Variants in MARK4 observed in about 807,000 individuals in gnomAD.
MARK4 encodes the protein MAP/microtubule affinity-regulating kinase 4.
In MARK4, 19 loss-of-function variants were observed where a neutral mutation model predicts 81.5. The observed-to-expected ratio is 0.23, with a 90% CI of 0.16 to 0.34. The LOEUF (loss-of-function observed/expected upper bound fraction) is 0.34, where lower values mean the gene tolerates loss of function less well. Among genes scored for constraint, MARK4 ranks in the 10% least tolerant of loss-of-function variants. The pLI is 1.00. For synonymous variants in MARK4, 436 were observed against 439.0 expected, an observed-to-expected ratio of 0.99 and a Z score of 0.08; for missense variants, 772 against 1,058.8, an observed-to-expected ratio of 0.73 and a Z score of 3.76.
rs11309011 is a variant in MARK4, at chr19:45,301,865, C to CA, written c.1923-492dup. On this transcript the variant is annotated intron_variant, in intron 16 of 16. Transcript: ENST00000262891. ...GGGTAACAAGAGCAAAACTCCGTCT[C>CA]AAAAAAAAAAAAAAAAAGAAAAGGA... Among the ~76,000 whole-genome samples the CA allele has an allele frequency of 5.8e-3, 720 of 124,098 alleles. 4 individuals are homozygous for CA. Among genetic ancestry groups the CA allele is most frequent in the African/African-American group, 9.2e-3 (318 of 34,446 alleles). The allele number at this position is 124,098 out of a possible 152,430, so 81.4% of individuals were successfully genotyped here.
At chr19:45,280,857 G>A in intron 12 of MARK4, 123 bp downstream of exon 12, 1 of 1,364,418 alleles carries the variant, frequency 7.3e-7, no homozygotes, top group Non-Finnish European at 1.0e-6. Context: ...CAGAGAGGGA[G>A]GAATGTCTTA....
chr19:45,298,084 C>T, intron 15 of MARK4, 130 bp downstream of exon 15: 2 of 1,573,472 alleles, frequency 1.3e-6, no homozygotes, highest in South Asian at 1.1e-5. Context: ...CTCGTTTCCT[C>T]CTCCTCCTCC....
At chr19:45,277,088 T>C (rs1970607575) in intron 8 of MARK4, among the ~76,000 whole-genome samples, 1 of 151,746 alleles carries the variant, frequency 6.6e-6, no homozygotes, top group African/African-American at 2.4e-5. Context: ...ACTTCCTTTT[T>C]TTTCTGAGAC....
chr19:45,295,546 G>A (rs985618238), intron 14 of MARK4, among the ~76,000 whole-genome samples: 6 of 152,040 alleles, frequency 3.9e-5, no homozygotes, highest in Non-Finnish European at 7.4e-5. Flanking sequence ...AGGCCGAGGT[G>A]GGCAGATCAC....
rs190127005 is a variant in MARK4 at position 45,278,365 on chromosome 19, G to C, written c.907-151G>C. 4.0e-3 allele frequency: 2,906 copies of C among 735,468 alleles called. 11 individuals are homozygous for C. Among genetic ancestry groups the C allele is most frequent in the Non-Finnish European group, 5.8e-3 (2,466 of 428,176 alleles). The allele number at this position is 735,468 out of a possible 1,614,324, so 45.6% of individuals were successfully genotyped here. The stretch of plus-strand genomic sequence containing the variant: ...ATCAGGAGGCTCCGGCAGGGGACGT[G>C]GGGGAGAGAGAGGCCCAGGAGGCGC... On this transcript the variant is annotated intron_variant, in intron 9 of 16. Transcript: ENST00000262891.
chr19:45,284,076 G>A (rs2123079462), intron 12 of MARK4, among the ~76,000 whole-genome samples: 1 of 151,804 alleles, frequency 6.6e-6, no homozygotes, highest in South Asian at 2.1e-4. Flanking sequence ...GGAGTACAGT[G>A]GTGCGATGGT....
intron 12 of MARK4, 138 bp downstream of exon 12, chr19:45,280,872 G>C: frequency 7.9e-7 from 1 of 1,258,386 alleles, no homozygotes; most frequent in Non-Finnish European, 1.1e-6. Context: ...GTCTTATAAA[G>C]ACACAGGGCA....
intron 8 of MARK4, among the ~76,000 whole-genome samples, chr19:45,275,268 TAA>T (rs763273853): frequency 2.0e-5 from 3 of 151,140 alleles, no homozygotes; most frequent in Admixed American, 6.6e-5. Flanking sequence ...CTCAAAAAAA[TAA>T]AAAGAGTTTG....
chr19:45,297,981 A>G, intron 15 of MARK4, 27 bp downstream of exon 15: 1 of 791,968 alleles, frequency 1.3e-6, no homozygotes, highest in Non-Finnish European at 1.9e-6. Context: ...TGGCAGGGGC[A>G]GGGCGGGGCG....
intron 15 of MARK4, 166 bp downstream of exon 15, chr19:45,298,120 T>A: frequency 6.2e-7 from 1 of 1,609,200 alleles, no homozygotes; most frequent in Non-Finnish European, 8.5e-7. Context: ...CTGTCACCCC[T>A]CACCTCCCTC....
chr19:45,287,492 G>A lies in MARK4; in HGVS notation c.1322G>A (p.Ser441Asn). Reference protein sequence around the residue: ...APLHPKRSPTSTGEAELKEER... With the variant: ...APLHPKRSPTNTGEAELKEER... ...CTGCACCCCAAACGCAGCCCGACGA[G>A]CACGGGGGAGGCGGAGCTGAAGGAG... The change falls in exon 13 of 17, where the codon AGC becomes AAC. Residue 441 changes from serine (S) to asparagine (N), a missense_variant. Transcript: ENST00000262891. 1 of 1,516,988 alleles carries A rather than the reference G, an allele frequency of 6.6e-7. No individual in the cohort carries two copies. The highest frequency in any genetic ancestry group is 8.9e-7 in the Non-Finnish European group (1 of 1,128,210). The allele number at this position is 1,516,988 out of a possible 1,614,324, so 94.0% of individuals were successfully genotyped here.
chr19:45,291,674 C>T (rs926702959), intron 13 of MARK4, among the ~76,000 whole-genome samples: 7 of 152,066 alleles, frequency 4.6e-5, no homozygotes, highest in African/African-American at 9.6e-5. Flanking sequence ...CCCAGCTACT[C>T]GGGAGGCTGA....
At chr19:45,272,047 C>T (rs1480729702) in intron 8 of MARK4, among the ~76,000 whole-genome samples, 2 of 143,672 alleles carry the variant, frequency 1.4e-5, no homozygotes, top group Non-Finnish European at 3.2e-5. Context: ...AAAACTCCTG[C>T]TTGGCCGGGT....
At chr19:45,252,497 A>C (rs1474752723) in intron 1 of MARK4, among the ~76,000 whole-genome samples, 2 of 148,072 alleles carry the variant, frequency 1.4e-5, no homozygotes, top group African/African-American at 2.5e-5. Flanking sequence ...CCAACCCCCA[A>C]CCTCTGGACC....
At chr19:45,290,913 A>G (rs1388433476) in intron 13 of MARK4, among the ~76,000 whole-genome samples, 1 of 152,146 alleles carries the variant, frequency 6.6e-6, no homozygotes. Context: ...GGGCCAGGAG[A>G]GGGTGCACCT....
chr19:45,303,285 A>G lies in MARK4; in HGVS notation c.*575A>G, dbSNP rs1971003730. On this transcript the variant is annotated 3_prime_UTR_variant, in exon 17 of 17. Coordinates refer to ENST00000262891, the MANE Select transcript of MARK4 (RefSeq NM_001199867.2). ...CTGCCGCTGTCACCTACGGTTTTTA[A>G]GTTATTACACCCCGACCCTCCTCCT... 6.5e-6 allele frequency: 1 copy of G among 154,748 alleles called. No homozygotes were observed. The highest frequency in any genetic ancestry group is 6.4e-5 in the Admixed American group (1 of 15,722). 9.6% of individuals were successfully genotyped at this position (154,748 alleles called of 1,614,324 possible).
chr19:45,273,772 C>G (rs184315513), intron 8 of MARK4, among the ~76,000 whole-genome samples: 1 of 152,146 alleles, frequency 6.6e-6, no homozygotes, highest in Admixed American at 6.6e-5. Flanking sequence ...CTGCGTTGCC[C>G]GTGAGGAGCA....
At chr19:45,270,812 C>T (rs1970517433) in intron 7 of MARK4, among the ~76,000 whole-genome samples, 1 of 151,834 alleles carries the variant, frequency 6.6e-6, no homozygotes, top group Admixed American at 6.6e-5. Flanking sequence ...CTCTTGTTGC[C>T]CAGGCTGGAG....
intron 16 of MARK4, among the ~76,000 whole-genome samples, chr19:45,300,071 G>A (rs547947596): frequency 6.6e-6 from 1 of 152,326 alleles, no homozygotes; most frequent in East Asian, 1.9e-4. Flanking sequence ...GCCTCCGGCT[G>A]GGTGCCATGG....
Sources: allele counts gnomAD v4.1 joint callset (sites outside exome capture counted in the v4.1 genomes callset), GRCh38; gene constraint gnomAD v4.1.1; transcripts MANE v1.5; gene names NCBI Gene and HGNC (gene_info 2026-07-23, HGNC 2026-07-21).